Variants in LOC128092252 observed in about 807,000 individuals in gnomAD.
chr15:50,675,312 C>T, the LOC128092252 span, among the ~76,000 whole-genome samples: 1 of 151,186 alleles, frequency 6.6e-6, no homozygotes, highest in Non-Finnish European at 1.5e-5. Context: ...CATTGCACTC[C>T]AACCCAGGCG....
the LOC128092252 span, among the ~76,000 whole-genome samples, chr15:50,679,147 C>G: frequency 6.7e-6 from 1 of 149,666 alleles, no homozygotes; most frequent in Non-Finnish European, 1.5e-5. Flanking sequence ...GCTGGGATTA[C>G]AGGCATTAAC....
the LOC128092252 span, among the ~76,000 whole-genome samples, chr15:50,673,449 G>A: frequency 6.6e-5 from 10 of 152,034 alleles, no homozygotes; most frequent in Admixed American, 5.9e-4. Flanking sequence ...AGTCCCCAAA[G>A]TCCATTGTGT....
chr15:50,674,464 CA>C, the LOC128092252 span, among the ~76,000 whole-genome samples: 3 of 152,142 alleles, frequency 2.0e-5, no homozygotes, highest in African/African-American at 7.2e-5. Flanking sequence ...TCTGATGTCA[CA>C]ATGTATATGT....
chr15:50,658,822 A>G, the LOC128092252 span, among the ~76,000 whole-genome samples: 4 of 152,236 alleles, frequency 2.6e-5, 1 homozygote, highest in African/African-American at 9.6e-5. Context: ...GCCAAAAGAA[A>G]GTGAAAATAG....
the LOC128092252 span, among the ~76,000 whole-genome samples, chr15:50,675,891 G>C: frequency 3.9e-5 from 6 of 152,306 alleles, no homozygotes; most frequent in South Asian, 4.1e-4. Flanking sequence ...AATCAGACTG[G>C]TCTGAGTTAG....
the LOC128092252 span, among the ~76,000 whole-genome samples, chr15:50,665,048 T>A: frequency 6.6e-6 from 1 of 152,184 alleles, no homozygotes; most frequent in African/African-American, 2.4e-5. Flanking sequence ...ATACGCATGT[T>A]TCTGTATATT....
chr15:50,658,654 C>T, the LOC128092252 span, among the ~76,000 whole-genome samples: 1 of 151,714 alleles, frequency 6.6e-6, no homozygotes, highest in Non-Finnish European at 1.5e-5. Context: ...TTTATATAAT[C>T]CCTATGGAAG....
the LOC128092252 span, among the ~76,000 whole-genome samples, chr15:50,669,279 C>T: frequency 6.7e-6 from 1 of 148,512 alleles, no homozygotes; most frequent in East Asian, 1.9e-4. Flanking sequence ...ACTAAAAATA[C>T]AAAAAATTAG....
At chr15:50,671,974 ATGAC>A in the LOC128092252 span, among the ~76,000 whole-genome samples, 20,939 of 152,122 alleles carry the variant, frequency 0.14, 1,458 homozygotes, top group Middle Eastern at 0.2. Flanking sequence ...GTAATAATAA[ATGAC>A]TATGTTACTG....
the LOC128092252 span, chr15:50,686,662 A>T: frequency 7.5e-7 from 1 of 1,341,222 alleles, no homozygotes; most frequent in Non-Finnish European, 1.0e-6. Flanking sequence ...CGCCCAGGGA[A>T]ACCTTCTCAG....
At chr15:50,654,053 G>A in the LOC128092252 span, among the ~76,000 whole-genome samples, 2 of 152,100 alleles carry the variant, frequency 1.3e-5, no homozygotes, top group Non-Finnish European at 2.9e-5. Context: ...AATCAAACCT[G>A]AATGGACAAA....
chr15:50,658,112 C>A, the LOC128092252 span, among the ~76,000 whole-genome samples: 1 of 151,718 alleles, frequency 6.6e-6, no homozygotes, highest in East Asian at 1.9e-4. Flanking sequence ...TCACACCACT[C>A]TCCTGCCTCA....
the LOC128092252 span, among the ~76,000 whole-genome samples, chr15:50,669,239 C>A: frequency 1.3e-5 from 2 of 151,456 alleles, no homozygotes; most frequent in South Asian, 2.1e-4. Flanking sequence ...GTCTGGAGTT[C>A]GAGACCAGCC....
chr15:50,674,580 C>T, the LOC128092252 span, among the ~76,000 whole-genome samples: 2 of 152,236 alleles, frequency 1.3e-5, no homozygotes, highest in East Asian at 3.9e-4. Context: ...TGCATACCAC[C>T]ATTATGGTAT....
chr15:50,658,005 A>AT, the LOC128092252 span, among the ~76,000 whole-genome samples: 24,681 of 139,278 alleles, frequency 0.18, 2,903 homozygotes, highest in East Asian at 0.46. Flanking sequence ...GACAGTCTCA[A>AT]TTTTTTTTTT....
chr15:50,678,516 AAATAT>A, the LOC128092252 span, among the ~76,000 whole-genome samples: 14,955 of 98,466 alleles, frequency 0.15, 1,041 homozygotes, highest in Admixed American at 0.27. Flanking sequence ...TAAAAAAAAA[AAATAT>A]ATATATATAT....
chr15:50,651,436 G>C, the LOC128092252 span, among the ~76,000 whole-genome samples: 1 of 151,134 alleles, frequency 6.6e-6, no homozygotes. Context: ...ACGAGGTCAG[G>C]AGATCGAGAC....
At chr15:50,663,113 T>A in the LOC128092252 span, 10 of 1,236,272 alleles carry the variant, frequency 8.1e-6, no homozygotes, top group Non-Finnish European at 1.2e-5. Context: ...AACAATTTCA[T>A]GATAAACACA....
chr15:50,676,736 C>A, the LOC128092252 span, among the ~76,000 whole-genome samples: 1 of 152,022 alleles, frequency 6.6e-6, no homozygotes, highest in Non-Finnish European at 1.5e-5. Context: ...TAGTGAACAG[C>A]AAAATATCAA....
Sources: allele counts gnomAD v4.1 joint callset (sites outside exome capture counted in the v4.1 genomes callset), GRCh38; gene constraint gnomAD v4.1.1; transcripts MANE v1.5.